The following SYNPO2 variants were observed in gnomAD, a reference collection of about 807,000 sequenced individuals.
SYNPO2 encodes synaptopodin-2.
SYNPO2 carries 56 observed loss-of-function variants against 85.0 expected under a neutral mutation model. That is an observed-to-expected ratio of 0.66 (90% CI 0.53 to 0.82). SYNPO2 has a LOEUF of 0.82. Among genes scored for constraint, SYNPO2 ranks in the 40% least tolerant of loss-of-function variants. The pLI is 0.00. For synonymous variants in SYNPO2, 602 were observed against 591.1 expected, an observed-to-expected ratio of 1.02 and a Z score of -0.27; for missense variants, 1,575 against 1,534.2, an observed-to-expected ratio of 1.03 and a Z score of -0.44.
At chr4:118,978,934 C>T (rs377581205) in intron 1 of SYNPO2, among the ~76,000 whole-genome samples, 2 of 152,112 alleles carry the variant, frequency 1.3e-5, no homozygotes, top group East Asian at 3.9e-4. Context: ...TTGAATTCTG[C>T]TTTTCAATAA....
At chr4:119,028,401 T>A (rs13435629) in intron 3 of SYNPO2, among the ~76,000 whole-genome samples, 5,029 of 152,206 alleles carry the variant, frequency 0.033, 266 homozygotes, top group African/African-American at 0.11. Context: ...GCATAACCAT[T>A]TGTAGCTTTA....
At chr4:118,971,657 C>T (rs1560927434) in intron 1 of SYNPO2, among the ~76,000 whole-genome samples, 1 of 152,232 alleles carries the variant, frequency 6.6e-6, no homozygotes, top group Non-Finnish European at 1.5e-5. Flanking sequence ...TGCCTACTTT[C>T]TGGGTCCTGA....
At chr4:118,943,600 T>C (rs1185661994) in intron 1 of SYNPO2, among the ~76,000 whole-genome samples, 1 of 152,226 alleles carries the variant, frequency 6.6e-6, no homozygotes, top group African/African-American at 2.4e-5. Context: ...ACTGTCTTCA[T>C]GTGTCATGCT....
intron 1 of SYNPO2, among the ~76,000 whole-genome samples, chr4:118,871,776 A>G (rs1002095870): frequency 1.3e-5 from 2 of 152,042 alleles, no homozygotes; most frequent in South Asian, 2.1e-4. Context: ...TCACATTGTT[A>G]GCCAGGATGA....
In SYNPO2 at chr4:119,037,069, C is replaced by T. The variant is rs1166045290; in HGVS notation, c.3252+5042C>T. The T allele has an allele frequency of 2.6e-6, 4 of 1,512,760 alleles. No individual in the cohort carries two copies. The African/African-American group carries it at 4.2e-5, about 16-fold the overall frequency. The allele number at this position is 1,512,760 out of a possible 1,614,324, so 93.7% of individuals were successfully genotyped here. On this transcript the variant is annotated intron_variant, in intron 4 of 4. Transcript: ENST00000307142. ...TCCTTGTGTTTACCTCTGTTTATGT[C>T]ATTCTTGACATGTTTATCTAAATTA...
chr4:119,026,862 C>T lies in SYNPO2; in HGVS notation c.493C>T (p.Gln165Ter). ...GAAAGAAGAAACAGGCCCGAGCTACCAAAGGGCTCCCCAAATGCCTGACTC... is the reference window on the plus strand; with the variant it reads ...GAAAGAAGAAACAGGCCCGAGCTACTAAAGGGCTCCCCAAATGCCTGACTC... ...SLKEETGPSY[Q>*]RAPQMPDSQR... The change falls in exon 3 of 5, where the codon CAA becomes TAA. Residue 165 changes from glutamine (Q) to a stop codon, truncating the protein, a stop_gained. Coordinates refer to ENST00000307142, the MANE Select transcript of SYNPO2 (RefSeq NM_133477.3). LOFTEE classifies it high-confidence loss of function. 1 of 1,614,038 alleles carries T rather than the reference C, an allele frequency of 6.2e-7. No individual in the cohort carries two copies. The highest frequency in any genetic ancestry group is 8.5e-7 in the Non-Finnish European group (1 of 1,180,002).
intron 1 of SYNPO2, among the ~76,000 whole-genome samples, chr4:118,939,044 A>AT (rs1734210706): frequency 6.6e-6 from 1 of 152,134 alleles, no homozygotes; most frequent in African/African-American, 2.4e-5. Context: ...TGGTGTACAG[A>AT]TTTTCACTGT....
chr4:118,919,410 A>C (rs1248448048), intron 1 of SYNPO2, among the ~76,000 whole-genome samples: 1 of 26,038 alleles, frequency 3.8e-5, no homozygotes, highest in South Asian at 2.9e-3. Context: ...AATTGACTGA[A>C]AAAATAAAAG....
chr4:119,035,199 T>G, intron 4 of SYNPO2: 2 of 985,478 alleles, frequency 2.0e-6, no homozygotes, highest in Non-Finnish European at 2.4e-6. Context: ...CATTTCTCTT[T>G]CCACAAGTTT....
chr4:118,882,484 T>C (rs1732123259), intron 1 of SYNPO2, among the ~76,000 whole-genome samples: 1 of 152,204 alleles, frequency 6.6e-6, no homozygotes, highest in African/African-American at 2.4e-5. Flanking sequence ...AGACATTGAG[T>C]CAACATTGTC....
At chr4:118,886,923 G>A (rs923168167), upstream of SYNPO2, among the ~76,000 whole-genome samples, 5 of 152,108 alleles carry the variant, frequency 3.3e-5, no homozygotes, top group African/African-American at 9.7e-5. Flanking sequence ...TGGGGAGCAT[G>A]GGCTGTGTAA....
At chr4:119,001,459 G>C (rs1736821878) in intron 1 of SYNPO2, among the ~76,000 whole-genome samples, 1 of 152,168 alleles carries the variant, frequency 6.6e-6, no homozygotes. Context: ...AACCCTTCAT[G>C]TCCATAGCAC....
At chr4:118,895,388 G>A (rs1399512905) in intron 1 of SYNPO2, among the ~76,000 whole-genome samples, 1 of 152,198 alleles carries the variant, frequency 6.6e-6, no homozygotes, top group African/African-American at 2.4e-5. Context: ...ACTGAATGAG[G>A]TGGCGTTTCT....
chr4:118,990,605 T>TTTTGTTTGTTTG (rs59494491), intron 1 of SYNPO2, among the ~76,000 whole-genome samples: 3 of 151,878 alleles, frequency 2.0e-5, no homozygotes, highest in African/African-American at 7.3e-5. Flanking sequence ...GATAATTGGT[T>TTTTGTTTGTTTG]TTTGTTTGTT....
chr4:118,976,497 G>A (rs912464020), intron 1 of SYNPO2, among the ~76,000 whole-genome samples: 1 of 152,194 alleles, frequency 6.6e-6, no homozygotes, highest in African/African-American at 2.4e-5. Context: ...GGCTAGGGCA[G>A]CCTGCTTTTA....
In SYNPO2 at chr4:119,030,999, G is replaced by A; in HGVS notation, c.2224G>A (p.Ala742Thr). Reference protein sequence around the residue: ...EEDYLSLGAEACNFMQSSSAK... With the variant: ...EEDYLSLGAETCNFMQSSSAK... Reference sequence around the variant, plus strand: ...AGACTACCTCAGCTTGGGGGCAGAGGCTTGTAATTTCATGCAAAGCTCCTC... The same window carrying A: ...AGACTACCTCAGCTTGGGGGCAGAGACTTGTAATTTCATGCAAAGCTCCTC... Residue 742 changes from alanine (A) to threonine (T), a missense_variant, in exon 4 of 5, where the codon GCT becomes ACT. By Grantham distance (58) the Ala-to-Thr change is moderately conservative. This residue lies in a region of SYNPO2 where 1,508 missense variants were observed against 1,446.8 expected (regional missense o/e 1.04). Transcript: ENST00000307142. The A allele has an allele frequency of 6.2e-7, 1 of 1,614,092 alleles. No individual in the cohort carries two copies. The highest frequency in any genetic ancestry group is 8.5e-7 in the Non-Finnish European group (1 of 1,180,030).
intron 1 of SYNPO2, 99 bp downstream of exon 1, chr4:118,889,240 A>C: frequency 8.8e-7 from 1 of 1,131,736 alleles, no homozygotes; most frequent in Middle Eastern, 2.0e-4. Flanking sequence ...AAGTCTAAGT[A>C]TTATTTGATT....
chr4:119,020,320 G>A (rs768952320), intron 1 of SYNPO2, among the ~76,000 whole-genome samples: 1 of 152,164 alleles, frequency 6.6e-6, no homozygotes, highest in East Asian at 1.9e-4. Flanking sequence ...GTTGACCTCA[G>A]AATGTATTCT....
At chr4:118,956,725 T>C (rs865835361) in intron 1 of SYNPO2, among the ~76,000 whole-genome samples, 2 of 152,050 alleles carry the variant, frequency 1.3e-5, no homozygotes, top group African/African-American at 4.8e-5. Context: ...TCCTTTTCCT[T>C]AGGCACATAG....
Sources: gnomAD v4.1 joint callset for allele counts (sites outside exome capture counted in the v4.1 genomes callset) on GRCh38, gnomAD v4.1.1 for gene constraint, gnomAD v4.1.1 regional missense constraint, MANE v1.5 for transcripts, NCBI Gene and HGNC (gene_info 2026-07-23, HGNC 2026-07-21) for gene names.